Variants in CFAP46 observed in about 807,000 individuals in gnomAD.
CFAP46 encodes cilia- and flagella-associated protein 46.
A neutral mutation model predicts 325.7 loss-of-function variants in CFAP46; 245 were observed. That is an observed-to-expected ratio of 0.75 (90% confidence interval 0.68 to 0.84). The LOEUF is 0.84. CFAP46 is among the 40% of genes least tolerant of loss of function. The probability of loss-of-function intolerance (pLI) is 0.00; values close to 1 mark genes in which losing one functional copy is unlikely to be tolerated. For synonymous variants in CFAP46, 1,523 were observed against 1,495.9 expected (o/e 1.02, Z -0.42); for missense variants, 3,346 against 3,543.0 (o/e 0.94, Z 1.41).
chr10:132,879,475 T>C lies in CFAP46; in HGVS notation c.3956A>G (p.Tyr1319Cys). ...GTAGGCTGCAAGGCAGCAGTCCTCG[T>C]AGCCCTCGGCGCCCGGCGACAGCAC... ...ALVLSPGAEG[Y>C]EDCCLAAYAF... The change falls in exon 29 of 58, where the codon TAC becomes TGC. Residue 1319 changes from tyrosine to cysteine, a missense_variant. Tyr to Cys is a radical substitution (Grantham distance 194, BLOSUM62 -2). Coordinates refer to ENST00000368586, the MANE Select transcript of CFAP46 (RefSeq NM_001200049.3). 6.5e-7 allele frequency: 1 copy of C among 1,546,346 alleles called. No homozygotes were observed. The highest frequency in any genetic ancestry group is 8.7e-7 in the Non-Finnish European group (1 of 1,145,374).
At chr10:132,878,340 G>C (rs1848987076) in intron 29 of CFAP46, among the ~76,000 whole-genome samples, 1 of 152,190 alleles carries the variant, frequency 6.6e-6, no homozygotes, top group Non-Finnish European at 1.5e-5. Context: ...GTGTCCCTCA[G>C]TCTCACTCCA....
At chr10:132,824,892 T>C (rs547426388) in intron 50 of CFAP46, among the ~76,000 whole-genome samples, 23 of 147,126 alleles carry the variant, frequency 1.6e-4, no homozygotes, top group African/African-American at 5.8e-4. Context: ...CAGTGATGTG[T>C]GCTGTGTGAG....
intron 44 of CFAP46, among the ~76,000 whole-genome samples, 193 bp downstream of exon 44, chr10:132,845,864 C>A (rs1427908826): frequency 2.0e-5 from 3 of 152,184 alleles, no homozygotes; most frequent in Non-Finnish European, 4.4e-5. Context: ...TTACTACCCC[C>A]ACAAGGACCA....
At chr10:132,825,038 GTGATGTGTGCTGTGTGTGCGC>G (rs1363327891) in intron 50 of CFAP46, among the ~76,000 whole-genome samples, 25 of 129,846 alleles carry the variant, frequency 1.9e-4, no homozygotes, top group South Asian at 7.9e-4. Flanking sequence ...TGTGTGTGTG[GTGATGTGTGCTGTGTGTGCGC>G]TGATGTGTGC....
intron 26 of CFAP46, 148 bp from the exon 27 acceptor site, chr10:132,885,434 G>A (rs995932245): frequency 3.0e-5 from 23 of 769,590 alleles, no homozygotes; most frequent in South Asian, 3.9e-5. Context: ...TCGGGGCTAC[G>A]CGGGGGTCTC....
chr10:132,898,500 T>A (rs1158643829), intron 24 of CFAP46: 1 of 311,438 alleles, frequency 3.2e-6, no homozygotes, highest in Non-Finnish European at 6.2e-6. Context: ...CCCCTGGGCC[T>A]TGGGGGCTCC....
rs1432932802 is a variant in CFAP46 at position 132,846,151 on chromosome 10, G to T, written c.6344C>A (p.Ala2115Asp). 6.2e-7 allele frequency: 1 copy of T among 1,611,310 alleles called. No homozygotes were observed. The highest frequency in any genetic ancestry group is 1.7e-5 in the Admixed American group (1 of 59,922). The change falls in exon 44 of 58, where the codon GCC becomes GAC. Residue 2115 changes from alanine to aspartate, a missense_variant. By Grantham distance (126) the Ala-to-Asp change is moderately radical. Coordinates refer to ENST00000368586, the MANE Select transcript of CFAP46 (RefSeq NM_001200049.3). The stretch of plus-strand genomic sequence containing the variant: ...GAGCTGGTGCTGTAGCTGCAGCAGG[G>T]CCGCCAGCTGTGAGCTGCTGGTGTT... ...TANTSSSQLA[A>D]LLQLQHQLRC...
chr10:132,849,986 T>C (rs1434487040), intron 41 of CFAP46, among the ~76,000 whole-genome samples: 2 of 151,470 alleles, frequency 1.3e-5, no homozygotes, highest in African/African-American at 2.4e-5. Context: ...GGGCTGGCTC[T>C]GTGCTGCTGT....
rs755787538 is a variant in CFAP46 at position 132,857,648 on chromosome 10, G to A, written c.5516C>T (p.Ala1839Val). 1.9e-6 allele frequency: 3 copies of A among 1,612,986 alleles called. No homozygotes were observed. In the African/African-American group the frequency reaches 4.0e-5, roughly 22 times the overall value. The change falls in exon 39 of 58, where the codon GCC becomes GTC. Residue 1839 changes from alanine to valine, a missense_variant. Physicochemically the swap from Ala to Val is moderately conservative, Grantham distance 64 (BLOSUM62 0). Transcript: ENST00000368586. The stretch of plus-strand genomic sequence containing the variant: ...AAGCCTCCCTTCTTCCTCAGCCATG[G>A]CGCCCTGGGCCAGGCCATATAAGCC... ...IQGLYGLAQG[A>V]MAEEEGRLHS...
At chr10:132,810,731 C>T (rs1198567633) in intron 56 of CFAP46, 1 of 723,996 alleles carries the variant, frequency 1.4e-6, no homozygotes, top group Non-Finnish European at 2.5e-6. Flanking sequence ...GCTGTGGGGA[C>T]CCGGCTCCCG....
intron 35 of CFAP46, among the ~76,000 whole-genome samples, chr10:132,861,312 A>G (rs1461412187): frequency 1.3e-5 from 2 of 152,120 alleles, no homozygotes; most frequent in African/African-American, 4.8e-5. Flanking sequence ...CCATTTAATT[A>G]TATTTCAGTG....
rs149991767 is a variant in CFAP46 at position 132,855,843 on chromosome 10, G to T, written c.5574+1747C>A. On this transcript the variant is annotated intron_variant, in intron 39 of 57. Transcript: ENST00000368586. ...GACCCCATGCTACATTGTTATTATT[G>T]TTTAAGCAGCCAATTATCTTTTAGA... Among the ~76,000 whole-genome samples the T allele has an allele frequency of 8.2e-3, 1,245 of 152,270 alleles. 7 individuals carry two copies. Among genetic ancestry groups the T allele is most frequent in the South Asian group, 0.015 (70 of 4,818 alleles).
At chr10:132,921,818 C>T (rs1397409481) in intron 13 of CFAP46, among the ~76,000 whole-genome samples, 1 of 152,210 alleles carries the variant, frequency 6.6e-6, no homozygotes, top group Non-Finnish European at 1.5e-5. Flanking sequence ...GCCTTGACTT[C>T]CAGCCTGGGG....
chr10:132,829,635 A>G (rs1382923515), intron 50 of CFAP46, among the ~76,000 whole-genome samples: 1 of 152,234 alleles, frequency 6.6e-6, no homozygotes, highest in Non-Finnish European at 1.5e-5. Flanking sequence ...CCTCCTGCCA[A>G]CCTGCGACGC....
intron 49 of CFAP46, 121 bp from the exon 50 acceptor site, chr10:132,833,646 C>A: frequency 1.0e-6 from 1 of 982,342 alleles, no homozygotes; most frequent in Non-Finnish European, 1.5e-6. Flanking sequence ...CCCGCCTTGA[C>A]TCCATGCCAC....
chr10:132,861,887 GC>G (rs1045444561), intron 35 of CFAP46, among the ~76,000 whole-genome samples: 24 of 152,208 alleles, frequency 1.6e-4, no homozygotes, highest in African/African-American at 5.8e-4. Context: ...GGGGCTACCC[GC>G]CGCCAGAGAG....
rs1330735027 is a variant in CFAP46 at position 132,832,676 on chromosome 10, T to C, written c.7117+682A>G. The C allele has an allele frequency of 6.8e-6, 3 of 444,380 alleles. No individual in the cohort carries two copies. The highest frequency in any genetic ancestry group is 2.4e-5 in the Admixed American group (1 of 41,752). The allele number at this position is 444,380 out of a possible 1,614,324, so 27.5% of individuals were successfully genotyped here. Reference sequence around the variant, plus strand: ...CAGAAAACTGCACGTACCGCAAGGGTAGCGCTCGGGGAAGCTTCACAACCG... The same window carrying C: ...CAGAAAACTGCACGTACCGCAAGGGCAGCGCTCGGGGAAGCTTCACAACCG... On this transcript the variant is annotated intron_variant, in intron 50 of 57. Transcript: ENST00000368586. The surrounding 1 kb of genome is among the most constrained non-coding windows in gnomAD (Gnocchi z 4.1).
chr10:132,910,647 G>A (rs12416523), intron 19 of CFAP46, among the ~76,000 whole-genome samples: 53,790 of 152,018 alleles, frequency 0.35, 9,855 homozygotes, highest in Admixed American at 0.49. Flanking sequence ...AGCCTCGCCC[G>A]GTGCAGGAAG....
chr10:132,847,303 C>T lies in CFAP46; in HGVS notation c.5971G>A (p.Gly1991Ser), dbSNP rs541680936. 3.6e-5 allele frequency: 58 copies of T among 1,613,384 alleles called. No individual in the cohort carries two copies. Among genetic ancestry groups the T allele is most frequent in the Middle Eastern group, 1.6e-4 (1 of 6,084 alleles). The change falls in exon 42 of 58, where the codon GGC becomes AGC. Residue 1991 changes from glycine to serine, a missense_variant. Physicochemically the swap from Gly to Ser is moderately conservative, Grantham distance 56. Coordinates refer to ENST00000368586, the MANE Select transcript of CFAP46 (RefSeq NM_001200049.3). The surrounding 1 kb of genome is among the most constrained non-coding windows in gnomAD (Gnocchi z 5.2). ...ACCTCCAGCTCCAGAGACTTGAGGC[C>T]GCTCAGCTTGGCGCCCACCTGTGAC... ...AGPSVGAKLSGLKSLELEVEE... is the reference protein window; with the variant it reads ...AGPSVGAKLSSLKSLELEVEE...
Sources: gnomAD v4.1 joint callset for allele counts (sites outside exome capture counted in the v4.1 genomes callset) on GRCh38, gnomAD v4.1.1 for gene constraint, Gnocchi (gnomAD v3.1) non-coding constraint, MANE v1.5 for transcripts, NCBI Gene and HGNC (gene_info 2026-07-23, HGNC 2026-07-21) for gene names.